SPIDR: variants seen among roughly 807,000 people sequenced by gnomAD.
SPIDR encodes the protein scaffold protein involved in DNA repair.
A neutral mutation model predicts 104.6 loss-of-function variants in SPIDR; 93 were observed. The observed-to-expected ratio is 0.89, with a 90% CI of 0.75 to 1.06. SPIDR has a LOEUF of 1.06. SPIDR is among the 50% of genes least tolerant of loss of function. The pLI, the probability that SPIDR is intolerant of heterozygous loss-of-function variation, is 0.00. For missense variants in SPIDR, 1,154 were observed against 1,111.2 expected (o/e 1.04, Z -0.55); for synonymous variants, 431 against 416.9 (o/e 1.03, Z -0.41).
In SPIDR at chr8:47,341,466, T is replaced by A. The variant is rs1554613965; in HGVS notation, c.525+47436T>A. On this transcript the variant is annotated intron_variant, in intron 5 of 19. Transcript: ENST00000297423. ...GGTTTTTGTTTGTTTAAAAAAAAAA[T>A]TGGGAACTAAAAAGTATTCCACACA... 4.6e-5 allele frequency among the ~76,000 whole-genome samples: 7 copies of A among 152,000 alleles called. No homozygotes were observed. The East Asian group carries it at 1.2e-3, about 25-fold the overall frequency.
chr8:47,511,040 A>G (rs2082238308), intron 8 of SPIDR: 1 of 856,060 alleles, frequency 1.2e-6, no homozygotes, highest in South Asian at 1.3e-5. Flanking sequence ...AGTTAGGTTC[A>G]CCACTGCATG....
intron 8 of SPIDR, among the ~76,000 whole-genome samples, chr8:47,542,349 C>G (rs558949337): frequency 6.6e-6 from 1 of 151,824 alleles, no homozygotes; most frequent in Non-Finnish European, 1.5e-5. Context: ...GAGGCAAATC[C>G]GAGGAGACCC....
At chr8:47,280,105 C>T in intron 2 of SPIDR, 88 bp downstream of exon 2, 1 of 1,332,258 alleles carries the variant, frequency 7.5e-7, no homozygotes. Context: ...CATTGTAATT[C>T]CCTTTCTTAT....
intron 7 of SPIDR, among the ~76,000 whole-genome samples, chr8:47,410,196 T>C (rs1554670260): frequency 6.6e-6 from 1 of 152,036 alleles, no homozygotes. Flanking sequence ...ACCTTTTTTT[T>C]TTTGAGACAG....
At chr8:47,683,334 G>A (rs963440297) in intron 11 of SPIDR, among the ~76,000 whole-genome samples, 1 of 152,162 alleles carries the variant, frequency 6.6e-6, no homozygotes, top group Admixed American at 6.5e-5. Flanking sequence ...TGCCCTCAAG[G>A]CATTTACACT....
chr8:47,447,566 T>A (rs1404390296), intron 8 of SPIDR, among the ~76,000 whole-genome samples: 1 of 152,198 alleles, frequency 6.6e-6, no homozygotes, highest in Non-Finnish European at 1.5e-5. Flanking sequence ...GCTGTGAACA[T>A]TGTTGAGAGG....
chr8:47,589,284 G>T (rs1487065907), intron 8 of SPIDR, among the ~76,000 whole-genome samples: 1 of 151,936 alleles, frequency 6.6e-6, no homozygotes, highest in Non-Finnish European at 1.5e-5. Context: ...ACTTTGGGAG[G>T]CCGAGGGCGG....
intron 5 of SPIDR, among the ~76,000 whole-genome samples, chr8:47,363,500 T>TAAAA (rs34766173): frequency 7.2e-6 from 1 of 139,652 alleles, no homozygotes; most frequent in African/African-American, 2.8e-5. Flanking sequence ...CAACCTTTTT[T>TAAAA]AAAAAAAAAA....
At chr8:47,320,822 T>C (rs1489599927) in intron 5 of SPIDR, among the ~76,000 whole-genome samples, 1 of 152,170 alleles carries the variant, frequency 6.6e-6, no homozygotes, top group Non-Finnish European at 1.5e-5. Flanking sequence ...TAATCCATCA[T>C]ATAAACAGAA....
chr8:47,618,459 G>A (rs1473230396), intron 10 of SPIDR, among the ~76,000 whole-genome samples: 1 of 152,018 alleles, frequency 6.6e-6, no homozygotes, highest in Non-Finnish European at 1.5e-5. Flanking sequence ...ATAAATTTTA[G>A]CAGGAATTAA....
chr8:47,581,648 C>G (rs1044730767), intron 8 of SPIDR, among the ~76,000 whole-genome samples: 1 of 152,100 alleles, frequency 6.6e-6, no homozygotes, highest in Admixed American at 6.6e-5. Flanking sequence ...ACGACATTAT[C>G]CCAAGCATGC....
intron 15 of SPIDR, 161 bp from the exon 16 acceptor site, chr8:47,713,328 G>T: frequency 1.0e-6 from 1 of 955,298 alleles, no homozygotes; most frequent in South Asian, 1.7e-5. Context: ...TTAGCTCATG[G>T]GGTTCAGGAG....
At chr8:47,465,926 A>G (rs940202398) in intron 8 of SPIDR, among the ~76,000 whole-genome samples, 1 of 152,146 alleles carries the variant, frequency 6.6e-6, no homozygotes, top group South Asian at 2.1e-4. Context: ...AAAGACAAAG[A>G]ATCACATTAC....
At chr8:47,462,212 G>T (rs1427563369) in intron 8 of SPIDR, among the ~76,000 whole-genome samples, 1 of 152,126 alleles carries the variant, frequency 6.6e-6, no homozygotes, top group Non-Finnish European at 1.5e-5. Context: ...CAGCAGGGCT[G>T]CCAAGCCCTC....
chr8:47,372,264 A>G (rs2058124498), intron 5 of SPIDR, among the ~76,000 whole-genome samples: 1 of 152,236 alleles, frequency 6.6e-6, no homozygotes, highest in Non-Finnish European at 1.5e-5. Context: ...TCAGGCTCAT[A>G]GTAAACATGT....
intron 9 of SPIDR, among the ~76,000 whole-genome samples, chr8:47,596,971 G>A (rs28874341): frequency 3.9e-4 from 59 of 152,216 alleles, no homozygotes; most frequent in Admixed American, 1.1e-3. Context: ...GGAATGTGTT[G>A]AGGGACAGTA....
chr8:47,476,317 G>C (rs879956574), intron 8 of SPIDR, among the ~76,000 whole-genome samples: 6 of 152,120 alleles, frequency 3.9e-5, no homozygotes, highest in Non-Finnish European at 7.4e-5. Context: ...ATCGAGATTG[G>C]ACAGGCTCCT....
Position 47,356,541 on chromosome 8 carries a change from A to T in SPIDR, c.526-39835A>T, listed in dbSNP as rs146725275. The stretch of plus-strand genomic sequence containing the variant: ...TTAAAGAAAGGAGTGTCTAATGATC[A>T]CATGGCTTGGTCATTTGAAAACCTA... On this transcript the variant is annotated intron_variant, in intron 5 of 19. Transcript: ENST00000297423. 2.0e-3 allele frequency among the ~76,000 whole-genome samples: 301 copies of T among 152,348 alleles called. 2 individuals are homozygous for T. Among genetic ancestry groups the T allele is most frequent in the African/African-American group, 6.8e-3 (284 of 41,584 alleles).
chr8:47,547,334 T>C, intron 8 of SPIDR: 6 of 514,116 alleles, frequency 1.2e-5, no homozygotes, highest in South Asian at 1.0e-4. Flanking sequence ...ATGACATCTA[T>C]GAATCCAGCA....
Sources: allele counts gnomAD v4.1 joint callset (sites outside exome capture counted in the v4.1 genomes callset), GRCh38; gene constraint gnomAD v4.1.1; transcripts MANE v1.5; gene names NCBI Gene and HGNC (gene_info 2026-07-23, HGNC 2026-07-21).